The following ANKRD6 variants were observed in gnomAD, a reference collection of about 807,000 sequenced individuals.
The protein encoded by ANKRD6 is ankyrin repeat domain 6.
In ANKRD6, 56 loss-of-function variants were observed where a neutral mutation model predicts 82.3. That is an observed-to-expected ratio of 0.68 (90% CI 0.55 to 0.85). ANKRD6 has a LOEUF of 0.85. Among genes scored for constraint, ANKRD6 ranks in the 40% least tolerant of loss-of-function variants. The probability of loss-of-function intolerance (pLI) is 0.00; values close to 1 mark genes in which losing one functional copy is unlikely to be tolerated. For missense variants in ANKRD6, 852 were observed against 907.6 expected (o/e 0.94, Z 0.79); for synonymous variants, 347 against 352.1 (o/e 0.99, Z 0.16).
rs1563199837 is a variant in ANKRD6, at chr6:89,631,959, G to A, written c.*955G>A. 6.6e-6 allele frequency: 1 copy of A among 152,268 alleles called. No homozygotes were observed. The highest frequency in any genetic ancestry group is 2.1e-4 in the South Asian group (1 of 4,818). The allele number at this position is 152,268 out of a possible 1,614,324, so 9.4% of individuals were successfully genotyped here. ...GCTTTGCGGTGAAGGCAAAATATTCGATAACTCAACTTAGGCCCCACTGTT... is the reference window on the plus strand; with the variant it reads ...GCTTTGCGGTGAAGGCAAAATATTCAATAACTCAACTTAGGCCCCACTGTT... On this transcript the variant is annotated 3_prime_UTR_variant, in exon 16 of 16. Coordinates refer to ENST00000339746, the MANE Select transcript of ANKRD6 (RefSeq NM_001242809.2).
At chr6:89,583,288 A>T (rs1195058490) in intron 2 of ANKRD6, among the ~76,000 whole-genome samples, 11 of 152,224 alleles carry the variant, frequency 7.2e-5, no homozygotes, top group Non-Finnish European at 4.4e-5. Flanking sequence ...GATATTCTAA[A>T]TGCCATGACT....
intron 1 of ANKRD6, among the ~76,000 whole-genome samples, chr6:89,437,437 G>A (rs907165536): frequency 1.3e-5 from 2 of 152,162 alleles, no homozygotes; most frequent in Non-Finnish European, 2.9e-5. Context: ...GAATAGGGCA[G>A]ATGTGGAACT....
At chr6:89,485,863 T>C (rs551731156) in intron 1 of ANKRD6, among the ~76,000 whole-genome samples, 31 of 152,374 alleles carry the variant, frequency 2.0e-4, no homozygotes, top group African/African-American at 6.7e-4. Flanking sequence ...GAGTTATTAC[T>C]AATCCTCACC....
intron 2 of ANKRD6, among the ~76,000 whole-genome samples, chr6:89,569,101 A>G (rs984541539): frequency 2.0e-5 from 3 of 151,838 alleles, no homozygotes; most frequent in African/African-American, 2.4e-5. Flanking sequence ...TTGAGTAGAG[A>G]TAGGGTTTCA....
At chr6:89,549,555 A>G (rs758260885) in intron 1 of ANKRD6, among the ~76,000 whole-genome samples, 2 of 152,248 alleles carry the variant, frequency 1.3e-5, no homozygotes, top group East Asian at 1.9e-4. Context: ...GTATTCTGTT[A>G]TAGCAGCACA....
At chr6:89,596,083 G>A (rs1795826954) in intron 3 of ANKRD6, 69 bp downstream of exon 3, 3 of 1,345,114 alleles carry the variant, frequency 2.2e-6, no homozygotes, top group African/African-American at 1.4e-5. Flanking sequence ...AATCCACAAA[G>A]TGTAAGCTGT....
Position 89,630,591 on chromosome 6 carries a change from G to C in ANKRD6, c.1771G>C (p.Val591Leu), listed in dbSNP as rs747468345. ...CTGTACAGGCTCCCGACTGAGAAAC[G>C]TCAAGGTCCAGACAGCCTTGCTACC... ...SDCTGSRLRN[V>L]KVQTALLPMN... The change falls in exon 16 of 16, where the codon GTC (valine) becomes CTC (leucine). Residue 591 changes from valine to leucine, a missense_variant. Val to Leu is a conservative substitution (Grantham distance 32). Transcript: ENST00000339746. 1 of 1,613,878 alleles carries C rather than the reference G, an allele frequency of 6.2e-7. No individual in the cohort carries two copies. Among genetic ancestry groups the C allele is most frequent in the Non-Finnish European group, 8.5e-7 (1 of 1,179,820 alleles).
At chr6:89,438,878 G>A (rs188437224) in intron 1 of ANKRD6, among the ~76,000 whole-genome samples, 45 of 152,248 alleles carry the variant, frequency 3.0e-4, no homozygotes, top group African/African-American at 9.9e-4. Context: ...CCTGACCTCA[G>A]GTGATCCGCC....
intron 1 of ANKRD6, among the ~76,000 whole-genome samples, chr6:89,441,539 A>T (rs1049688109): frequency 2.0e-5 from 3 of 152,068 alleles, no homozygotes; most frequent in Non-Finnish European, 4.4e-5. Flanking sequence ...CAACAAAAAA[A>T]GCCAAACTCC....
intron 1 of ANKRD6, among the ~76,000 whole-genome samples, chr6:89,449,652 G>C (rs920629445): frequency 1.3e-5 from 2 of 152,164 alleles, no homozygotes; most frequent in African/African-American, 4.8e-5. Context: ...TTTCACCAAT[G>C]AACCTATGCC....
intron 9 of ANKRD6, among the ~76,000 whole-genome samples, chr6:89,619,320 A>G (rs1191243580): frequency 6.6e-6 from 1 of 152,216 alleles, no homozygotes; most frequent in Non-Finnish European, 1.5e-5. Flanking sequence ...AGTGCTGTAT[A>G]AACGTCAGAA....
intron 1 of ANKRD6, among the ~76,000 whole-genome samples, chr6:89,526,971 A>T (rs142228017): frequency 6.6e-6 from 1 of 152,182 alleles, no homozygotes; most frequent in South Asian, 2.1e-4. Flanking sequence ...GGGGAGGGCA[A>T]TCTGCTTTAT....
chr6:89,543,658 A>G (rs1784696450), intron 1 of ANKRD6, among the ~76,000 whole-genome samples: 1 of 152,164 alleles, frequency 6.6e-6, no homozygotes, highest in Admixed American at 6.5e-5. Flanking sequence ...GCGTGTGGGT[A>G]TTGCAGGCTC....
At chr6:89,524,769 A>G (rs1028208036) in intron 1 of ANKRD6, among the ~76,000 whole-genome samples, 1 of 152,270 alleles carries the variant, frequency 6.6e-6, no homozygotes, top group South Asian at 2.1e-4. Flanking sequence ...TGGATCAAAT[A>G]GTAGTTCAAC....
At chr6:89,542,244 CT>C (rs1784525807) in intron 1 of ANKRD6, among the ~76,000 whole-genome samples, 1 of 152,098 alleles carries the variant, frequency 6.6e-6, no homozygotes. Flanking sequence ...GAGTTGGGCG[CT>C]TTTTCTGGGT....
At chr6:89,471,377 A>AT (rs1222169823) in intron 1 of ANKRD6, among the ~76,000 whole-genome samples, 22 of 151,382 alleles carry the variant, frequency 1.5e-4, no homozygotes, top group African/African-American at 5.3e-4. Flanking sequence ...AAAAAAAAAA[A>AT]AAAGAGGAGA....
intron 1 of ANKRD6, among the ~76,000 whole-genome samples, chr6:89,490,977 C>A (rs1050833099): frequency 6.6e-6 from 1 of 152,128 alleles, no homozygotes; most frequent in African/African-American, 2.4e-5. Context: ...AACAAGTGTT[C>A]TTTTAAGAGG....
intron 5 of ANKRD6, among the ~76,000 whole-genome samples, chr6:89,606,598 G>A (rs1798679705): frequency 6.6e-6 from 1 of 152,174 alleles, no homozygotes; most frequent in African/African-American, 2.4e-5. Flanking sequence ...GCTCACACCT[G>A]TAATCACAGC....
intron 1 of ANKRD6, among the ~76,000 whole-genome samples, chr6:89,491,961 C>T (rs866245183): frequency 1.3e-5 from 2 of 152,186 alleles, no homozygotes; most frequent in Admixed American, 6.5e-5. Flanking sequence ...AATCATACTT[C>T]ATCGCTCTCC....
Sources: gnomAD v4.1 joint callset for allele counts (sites outside exome capture counted in the v4.1 genomes callset) on GRCh38, gnomAD v4.1.1 for gene constraint, MANE v1.5 for transcripts, NCBI Gene and HGNC (gene_info 2026-07-23, HGNC 2026-07-21) for gene names.